The following SLC41A3 variants were observed in gnomAD, a reference collection of about 807,000 sequenced individuals.
SLC41A3 encodes SLC41A1-like 2.
Under a neutral mutation model 45.4 loss-of-function variants are expected in SLC41A3, and 44 were observed. That is an observed-to-expected ratio of 0.97 (90% CI 0.76 to 1.25). The LOEUF (loss-of-function observed/expected upper bound fraction) is 1.25. SLC41A3 is among the 50% of genes most tolerant of loss of function. The pLI is 0.00. For missense variants in SLC41A3, 550 were observed against 600.6 expected (o/e 0.92, Z 0.88); for synonymous variants, 256 against 252.4 (o/e 1.01, Z -0.13).
intron 1 of SLC41A3, among the ~76,000 whole-genome samples, chr3:126,091,439 G>A (rs111852897): frequency 1.0e-3 from 157 of 152,218 alleles, no homozygotes; most frequent in African/African-American, 3.6e-3. Context: ...GGGTCGGGGT[G>A]GAGGGAGAGG....
intron 2 of SLC41A3, among the ~76,000 whole-genome samples, chr3:126,062,720 A>G (rs996433451): frequency 7.9e-5 from 12 of 152,218 alleles, no homozygotes; most frequent in African/African-American, 2.9e-4. Context: ...CATCCACAAC[A>G]TTAATACAAG....
Position 126,018,297 on chromosome 3 carries a change from GA to G in SLC41A3, c.746-1423del, listed in dbSNP as rs1394865433. 2.6e-5 allele frequency among the ~76,000 whole-genome samples: 4 copies of G among 152,338 alleles called. No individual in the cohort carries two copies. The East Asian group carries it at 5.8e-4, about 22-fold the overall frequency. On this transcript the variant is annotated intron_variant, in intron 6 of 10. Transcript: ENST00000360370. Reference sequence around the variant, plus strand: ...AGAGGCAAAGGTTCATGTGATGCCTGAACTCTCACTTATTTTGCAAATCCAA... The same window carrying G: ...AGAGGCAAAGGTTCATGTGATGCCTGACTCTCACTTATTTTGCAAATCCAA...
At chr3:126,036,030 G>C (rs1942163718) in intron 3 of SLC41A3, among the ~76,000 whole-genome samples, 1 of 152,110 alleles carries the variant, frequency 6.6e-6, no homozygotes, top group African/African-American at 2.4e-5. Flanking sequence ...TCAATAGAAG[G>C]GTTTCACAGA....
chr3:126,045,357 A>T (rs892085571), intron 3 of SLC41A3, among the ~76,000 whole-genome samples: 2 of 5,904 alleles, frequency 3.4e-4, no homozygotes, highest in African/African-American at 7.9e-4. Flanking sequence ...TTGGTTCCTC[A>T]AAAAAAAAAA....
chr3:126,010,218 A>C (rs1026102564), intron 9 of SLC41A3, among the ~76,000 whole-genome samples: 4 of 152,244 alleles, frequency 2.6e-5, no homozygotes, highest in Non-Finnish European at 5.9e-5. Context: ...TCACGCCTGT[A>C]AACCCAACAC....
At chr3:126,087,521 T>C (rs970164372), upstream of SLC41A3, among the ~76,000 whole-genome samples, 16 of 152,108 alleles carry the variant, frequency 1.1e-4, no homozygotes, top group African/African-American at 3.8e-4. Flanking sequence ...TTTTTCTAAT[T>C]CAAAGCTTAT....
chr3:126,092,069 T>A (rs1297405082), intron 1 of SLC41A3, among the ~76,000 whole-genome samples: 1 of 152,202 alleles, frequency 6.6e-6, no homozygotes, highest in East Asian at 1.9e-4. Flanking sequence ...TACCCTGAGT[T>A]ACTGGCAGCA....
chr3:126,034,665 C>T (rs1446946758), intron 3 of SLC41A3, among the ~76,000 whole-genome samples: 1 of 152,188 alleles, frequency 6.6e-6, no homozygotes, highest in Non-Finnish European at 1.5e-5. Context: ...GTGCTGAGCA[C>T]GAGTGGCCAA....
intron 1 of SLC41A3, among the ~76,000 whole-genome samples, chr3:126,072,959 T>C (rs957224759): frequency 7.2e-5 from 11 of 152,146 alleles, no homozygotes; most frequent in African/African-American, 2.7e-4. Context: ...GATCATGTCA[T>C]CTGCAGCAAC....
intron 3 of SLC41A3, among the ~76,000 whole-genome samples, chr3:126,039,876 T>G (rs545477211): frequency 6.6e-6 from 1 of 152,364 alleles, no homozygotes; most frequent in South Asian, 2.1e-4. Flanking sequence ...ATACATACGT[T>G]TCCTAGTTCA....
chr3:126,017,053 G>A (rs1312240612), intron 6 of SLC41A3, among the ~76,000 whole-genome samples, 178 bp from the exon 7 acceptor site: 1 of 152,128 alleles, frequency 6.6e-6, no homozygotes, highest in Non-Finnish European at 1.5e-5. Flanking sequence ...AACTGGAAAA[G>A]CTCCTCTCTG....
chr3:126,007,315 C>G, intron 10 of SLC41A3, 90 bp from the exon 11 acceptor site: 1 of 1,402,618 alleles, frequency 7.1e-7, no homozygotes, highest in Non-Finnish European at 9.8e-7. Flanking sequence ...AGGAGAGATA[C>G]CAAGGTGGAC....
chr3:126,074,655 T>C (rs1008965548), intron 1 of SLC41A3, among the ~76,000 whole-genome samples: 15 of 151,948 alleles, frequency 9.9e-5, no homozygotes, highest in African/African-American at 3.6e-4. Context: ...TGTTGTTGTT[T>C]GGGTTTTTGG....
chr3:126,008,371 GAGTGTGTGGTGTGA>G (rs766843244), intron 10 of SLC41A3, among the ~76,000 whole-genome samples: 186 of 152,206 alleles, frequency 1.2e-3, no homozygotes, highest in Non-Finnish European at 2.1e-3. Context: ...GTGTGGTGTG[GAGTGTGTGGTGTGA>G]AGTGTGTGGT....
At chr3:126,086,498 C>CTGTGTG (rs57609698), upstream of SLC41A3, among the ~76,000 whole-genome samples, 411 of 133,174 alleles carry the variant, frequency 3.1e-3, 2 homozygotes, top group African/African-American at 7.3e-3. Flanking sequence ...GCTATAGGAT[C>CTGTGTG]TGTGTGTGTG....
chr3:126,079,813 A>G (rs1038591846), intron 1 of SLC41A3, among the ~76,000 whole-genome samples: 2 of 152,244 alleles, frequency 1.3e-5, no homozygotes, highest in Non-Finnish European at 2.9e-5. Context: ...TTGAAGCATC[A>G]TAGTGACTTC....
upstream of SLC41A3, among the ~76,000 whole-genome samples, chr3:126,086,533 T>C (rs1389763979): frequency 1.3e-5 from 2 of 148,758 alleles, no homozygotes; most frequent in Non-Finnish European, 3.0e-5. Flanking sequence ...TGTGTGTGTG[T>C]GTGTGTATTT....
chr3:126,008,122 C>T (rs1939301222), intron 10 of SLC41A3, among the ~76,000 whole-genome samples: 1 of 152,272 alleles, frequency 6.6e-6, no homozygotes, highest in Non-Finnish European at 1.5e-5. Flanking sequence ...CATGCTTCAT[C>T]CTCAGGGCTG....
chr3:126,024,004 C>T (rs918589655), intron 5 of SLC41A3: 8 of 152,290 alleles, frequency 5.3e-5, no homozygotes, highest in African/African-American at 1.7e-4. Context: ...CTTTTGAATG[C>T]CAGCTGTAAG....
Sources: gnomAD v4.1 joint callset for allele counts (sites outside exome capture counted in the v4.1 genomes callset) on GRCh38, gnomAD v4.1.1 for gene constraint, MANE v1.5 for transcripts, NCBI Gene and HGNC (gene_info 2026-07-23, HGNC 2026-07-21) for gene names.